The following C1orf115 variants were observed in gnomAD, a reference collection of about 807,000 sequenced individuals.
C1orf115 encodes the protein chromosome 1 open reading frame 115.
C1orf115 carries 14 observed loss-of-function variants against 12.5 expected under a neutral mutation model. That is an observed-to-expected ratio of 1.12 (90% CI 0.74 to 1.75). The LOEUF (loss-of-function observed/expected upper bound fraction) is 1.75. Ranked by LOEUF, C1orf115 falls within the 40% of genes most tolerant of loss-of-function variation. C1orf115 has a pLI of 0.00. For synonymous variants in C1orf115, 109 were observed against 104.6 expected, an observed-to-expected ratio of 1.04 and a Z score of -0.26; for missense variants, 237 against 220.8, an observed-to-expected ratio of 1.07 and a Z score of -0.46.
At position 220,696,748 on chromosome 1, in the gene C1orf115, A is replaced by T; in HGVS notation, c.*17A>T. 6.4e-7 allele frequency: 1 copy of T among 1,573,028 alleles called. No homozygotes were observed. The highest frequency in any genetic ancestry group is 8.7e-7 in the Non-Finnish European group (1 of 1,147,698). ...GTGCGCTAATGGGAGCTGCTGTGGC[A>T]GGTGCCCCCAGAGTGAACGGGAGCC... On this transcript the variant is annotated 3_prime_UTR_variant, in exon 2 of 2. Transcript: ENST00000294889.
chr1:220,693,000 G>A (rs1424074024), intron 1 of C1orf115, among the ~76,000 whole-genome samples: 1 of 152,130 alleles, frequency 6.6e-6, no homozygotes, highest in Non-Finnish European at 1.5e-5. Context: ...TCTCCTTTCT[G>A]CCCTTCAAAA....
In C1orf115 at chr1:220,696,691, C is replaced by T. The variant is rs201983292; in HGVS notation, c.389C>T (p.Pro130Leu). ...LQGFAAAYSA[P>L]FAVATSVVSF... ...GGCTTCGCTGCAGCCTACTCCGCCCCGTTTGCGGTAGCCACCAGCGTGGTA... is the reference window on the plus strand; with the variant it reads ...GGCTTCGCTGCAGCCTACTCCGCCCTGTTTGCGGTAGCCACCAGCGTGGTA... The change falls in exon 2 of 2, where the codon CCG becomes CTG. Residue 130 changes from proline (P) to leucine (L), a missense_variant. Pro to Leu is a moderately conservative substitution (Grantham distance 98). Coordinates refer to ENST00000294889, the MANE Select transcript of C1orf115 (RefSeq NM_024709.5). 121 of 1,600,712 alleles carry T rather than the reference C, an allele frequency of 7.6e-5. No individual in the cohort carries two copies. The highest frequency in any genetic ancestry group is 2.2e-5 in the South Asian group (2 of 90,554).
rs10602094 is a variant in C1orf115 at position 220,695,494 on chromosome 1, GT to G, written c.310-1096del. 8.9e-3 allele frequency among the ~76,000 whole-genome samples: 1,039 copies of G among 116,378 alleles called. 6 individuals are homozygous for G. Among genetic ancestry groups the G allele is most frequent in the African/African-American group, 0.017 (504 of 29,644 alleles). The allele number at this position is 116,378 out of a possible 152,430, so 76.3% of individuals were successfully genotyped here. ...GAACGTGTTCCCTGACGATGTCTGGGTTTTTTTTTTTTTTTTTTTTTTCTGT... is the reference window on the plus strand; with the variant it reads ...GAACGTGTTCCCTGACGATGTCTGGGTTTTTTTTTTTTTTTTTTTTTCTGT... On this transcript the variant is annotated intron_variant, in intron 1 of 1. Coordinates refer to ENST00000294889, the MANE Select transcript of C1orf115 (RefSeq NM_024709.5).
rs1417989271 is a variant in C1orf115, at chr1:220,696,632, C to T, written c.330C>T (p.Ile110=). 6.3e-7 allele frequency: 1 copy of T among 1,593,064 alleles called. No homozygotes were observed. Among genetic ancestry groups the T allele is most frequent in the South Asian group, 1.1e-5 (1 of 90,210 alleles). The change falls in exon 2 of 2, where the codon ATC becomes ATT. Residue 110 remains isoleucine (I), a synonymous_variant. Transcript: ENST00000294889. ...ACTAGAATGTCGGGAAGGTCATCAT[C>T]AAAGGATGCCGCTACGTGGTCATCG... ...KYGKNVGKVI[I]KGCRYVVIGL...
chr1:220,690,488 A>G lies in C1orf115; in HGVS notation c.86A>G (p.Asp29Gly). Reference sequence around the variant, plus strand: ...CGAGGGCGAGGGCGAACCGAGGGGGACGAGGAGGCGGCCGCCATCCTGGAG... The same window carrying G: ...CGAGGGCGAGGGCGAACCGAGGGGGGCGAGGAGGCGGCCGCCATCCTGGAG... ...GPRGRGRTEG[D>G]EEAAAILEHL... Residue 29 changes from aspartate to glycine, a missense_variant, in exon 1 of 2, where the codon GAC becomes GGC. Asp to Gly is a moderately conservative substitution (Grantham distance 94). Coordinates refer to ENST00000294889, the MANE Select transcript of C1orf115 (RefSeq NM_024709.5). 1.4e-6 allele frequency: 2 copies of G among 1,434,846 alleles called. No homozygotes were observed. Among genetic ancestry groups the G allele is most frequent in the Non-Finnish European group, 1.8e-6 (2 of 1,101,060 alleles). 88.9% of individuals were successfully genotyped at this position (1,434,846 alleles called of 1,614,324 possible). A position where few individuals can be genotyped will look rare whatever the true frequency, so the allele number is the denominator to read the frequency against.
At chr1:220,695,307 A>T (rs1303997593) in intron 1 of C1orf115, among the ~76,000 whole-genome samples, 1 of 152,022 alleles carries the variant, frequency 6.6e-6, no homozygotes, top group Non-Finnish European at 1.5e-5. Context: ...CGAATGATGG[A>T]GGTGGTGAAG....
At chr1:220,693,134 G>A (rs1260434913) in intron 1 of C1orf115, among the ~76,000 whole-genome samples, 1 of 152,086 alleles carries the variant, frequency 6.6e-6, no homozygotes, top group East Asian at 1.9e-4. Context: ...GAGAGTAGTT[G>A]GGTAGAAAGC....
Position 220,697,561 on chromosome 1 carries a change from G to C in C1orf115, c.*830G>C, listed in dbSNP as rs1380478401. ...CGACCAGAGTCCCTGCAAAGGTGTG[G>C]CTGGCTGTGGTCAGGGTGCTACTAG... On this transcript the variant is annotated 3_prime_UTR_variant, in exon 2 of 2. Coordinates refer to ENST00000294889, the MANE Select transcript of C1orf115 (RefSeq NM_024709.5). The surrounding 1 kb of genome is among the most constrained non-coding windows in gnomAD (Gnocchi z 4.5). The C allele has an allele frequency of 6.6e-6, 1 of 152,320 alleles. No individual in the cohort carries two copies. The highest frequency in any genetic ancestry group is 1.5e-5 in the Non-Finnish European group (1 of 68,136). 9.4% of individuals were successfully genotyped at this position (152,320 alleles called of 1,614,324 possible).
At chr1:220,696,545 A>G in intron 1 of C1orf115, 67 bp from the exon 2 acceptor site, 2 of 1,473,674 alleles carry the variant, frequency 1.4e-6, no homozygotes, top group Admixed American at 2.1e-5. Context: ...TTTTTTCATG[A>G]AAGATGGCAG....
At position 220,697,155 on chromosome 1, in the gene C1orf115, A is replaced by T. The variant is rs1670207480; in HGVS notation, c.*424A>T. On this transcript the variant is annotated 3_prime_UTR_variant, in exon 2 of 2. Transcript: ENST00000294889. This position sits in a 1 kb window ranked among gnomAD's most constrained non-coding sequence, Gnocchi z 4.5. ...TTGCTGTATTCTCCTGAAAGGTCGT[A>T]GGCTGACAGGCGCTCACATTCCTTG... 6.5e-6 allele frequency: 1 copy of T among 153,232 alleles called. No individual in the cohort carries two copies. The highest frequency in any genetic ancestry group is 2.4e-5 in the African/African-American group (1 of 41,430). 9.5% of individuals were successfully genotyped at this position (153,232 alleles called of 1,614,324 possible).
At chr1:220,692,614 A>G (rs1252123606) in intron 1 of C1orf115, among the ~76,000 whole-genome samples, 1 of 152,208 alleles carries the variant, frequency 6.6e-6, no homozygotes, top group Non-Finnish European at 1.5e-5. Flanking sequence ...TGGAGATGGA[A>G]CACAGATTGG....
intron 1 of C1orf115, 63 bp from the exon 2 acceptor site, chr1:220,696,549 A>G (rs1432767033): frequency 1.6e-5 from 23 of 1,477,012 alleles, no homozygotes; most frequent in Non-Finnish European, 2.0e-5. Flanking sequence ...TTCATGAAAG[A>G]TGGCAGAATT....
intron 1 of C1orf115, among the ~76,000 whole-genome samples, chr1:220,695,735 C>G (rs1322387580): frequency 6.6e-6 from 1 of 151,942 alleles, no homozygotes; most frequent in African/African-American, 2.4e-5. Flanking sequence ...TTAAACCAGT[C>G]TGAGTGGTTA....
In C1orf115 at chr1:220,696,881, T is replaced by A; in HGVS notation, c.*150T>A. The A allele has an allele frequency of 9.9e-7, 1 of 1,014,588 alleles. No homozygotes were observed. The highest frequency in any genetic ancestry group is 1.3e-6 in the Non-Finnish European group (1 of 741,018). 62.8% of individuals were successfully genotyped at this position (1,014,588 alleles called of 1,614,324 possible). ...TGTTGAATCACATTAGTATGATGAG[T>A]GAGTCATCCCTGCCCATCTGCTGAG... On this transcript the variant is annotated 3_prime_UTR_variant, in exon 2 of 2. Coordinates refer to ENST00000294889, the MANE Select transcript of C1orf115 (RefSeq NM_024709.5).
chr1:220,692,914 G>A (rs1489992575), intron 1 of C1orf115, among the ~76,000 whole-genome samples: 1 of 152,212 alleles, frequency 6.6e-6, no homozygotes, highest in Non-Finnish European at 1.5e-5. Flanking sequence ...GGGCATGAAA[G>A]CTCTAGAGTG....
At chr1:220,695,113 T>C (rs1670172165) in intron 1 of C1orf115, among the ~76,000 whole-genome samples, 1 of 152,186 alleles carries the variant, frequency 6.6e-6, no homozygotes, top group East Asian at 1.9e-4. Flanking sequence ...GACCAGACAG[T>C]CCCTCATGGG....
chr1:220,695,250 G>A (rs1190681881), intron 1 of C1orf115, among the ~76,000 whole-genome samples: 1 of 152,140 alleles, frequency 6.6e-6, no homozygotes, highest in East Asian at 1.9e-4. Flanking sequence ...GAGTCACGGT[G>A]ATACCCGAGC....
At position 220,690,725 on chromosome 1, in the gene C1orf115, G is replaced by A. The variant is rs1204293321; in HGVS notation, c.309+14G>A. The A allele has an allele frequency of 2.5e-6, 4 of 1,568,906 alleles. No individual in the cohort carries two copies. The highest frequency in any genetic ancestry group is 1.2e-5 in the South Asian group (1 of 86,188). On this transcript the variant is annotated intron_variant, in intron 1 of 1. Transcript: ENST00000294889. ...AAGTACGGCAAGGTAGGGGCCCTGC[G>A]CCACCACTGCCCGGGGGGCGCGGGT...
chr1:220,691,393 C>T (rs954040220), intron 1 of C1orf115, among the ~76,000 whole-genome samples: 1 of 152,194 alleles, frequency 6.6e-6, no homozygotes, highest in African/African-American at 2.4e-5. Flanking sequence ...GGTGTCTCTG[C>T]ATGGAAACAG....
Sources: gnomAD v4.1 joint callset for allele counts (sites outside exome capture counted in the v4.1 genomes callset) on GRCh38, gnomAD v4.1.1 for gene constraint, Gnocchi (gnomAD v3.1) non-coding constraint, MANE v1.5 for transcripts, NCBI Gene and HGNC (gene_info 2026-07-23, HGNC 2026-07-21) for gene names.